The following CLYBL variants were observed in gnomAD, a reference collection of about 807,000 sequenced individuals.
The protein encoded by CLYBL is citramalyl-CoA lyase, mitochondrial.
Under a neutral mutation model 38.9 loss-of-function variants are expected in CLYBL, and 31 were observed. The observed-to-expected ratio is 0.80, with a 90% CI of 0.60 to 1.08. The LOEUF (loss-of-function observed/expected upper bound fraction) is 1.08. Among genes scored for constraint, CLYBL ranks in the 50% least tolerant of loss-of-function variants. The pLI is 0.00. For missense variants in CLYBL, 434 were observed against 411.6 expected (o/e 1.05, Z -0.47); for synonymous variants, 171 against 158.6 (o/e 1.08, Z -0.59).
At chr13:99,744,493 C>T (rs937666003) in intron 1 of CLYBL, among the ~76,000 whole-genome samples, 19 of 152,216 alleles carry the variant, frequency 1.2e-4, no homozygotes, top group East Asian at 1.2e-3. Context: ...TCCATCTGAG[C>T]GGCCAGCAGT....
At chr13:99,845,289 G>A (rs1452381797) in intron 2 of CLYBL, among the ~76,000 whole-genome samples, 1 of 152,204 alleles carries the variant, frequency 6.6e-6, no homozygotes, top group East Asian at 1.9e-4. Context: ...AAGAGTTTTT[G>A]CCACTGGGAC....
In CLYBL at chr13:99,801,885, G is replaced by A. The variant is rs553009388; in HGVS notation, c.249+28875G>A. Among the ~76,000 whole-genome samples, 8 of 152,046 alleles carry A rather than the reference G, an allele frequency of 5.3e-5. No homozygotes were observed. In the South Asian group the frequency reaches 8.3e-4, roughly 16 times the overall value. ...TACAAAATTAGCCAGGCATGGTGGCGCATGCCTGTAATCCCAGCTACTCGG... is the reference window on the plus strand; with the variant it reads ...TACAAAATTAGCCAGGCATGGTGGCACATGCCTGTAATCCCAGCTACTCGG... On this transcript the variant is annotated intron_variant, in intron 2 of 8. Transcript: ENST00000339105.
At chr13:99,832,841 A>G (rs973327581) in intron 2 of CLYBL, among the ~76,000 whole-genome samples, 3 of 149,546 alleles carry the variant, frequency 2.0e-5, no homozygotes, top group Non-Finnish European at 3.0e-5. Context: ...TGTTAAAGGG[A>G]AAAAAAAGAA....
At chr13:99,725,067 G>A (rs934908489) in intron 1 of CLYBL, among the ~76,000 whole-genome samples, 3 of 152,214 alleles carry the variant, frequency 2.0e-5, no homozygotes, top group Non-Finnish European at 4.4e-5. Context: ...GCGTCCTGCT[G>A]AGTATTAGCA....
At chr13:99,792,757 C>T (rs756142376) in intron 2 of CLYBL, among the ~76,000 whole-genome samples, 12 of 151,964 alleles carry the variant, frequency 7.9e-5, no homozygotes, top group Non-Finnish European at 1.5e-4. Flanking sequence ...TGCCTCTTCC[C>T]CAAACAGAAA....
chr13:99,764,538 T>C (rs2049229862), intron 1 of CLYBL, among the ~76,000 whole-genome samples: 1 of 152,204 alleles, frequency 6.6e-6, no homozygotes, highest in Non-Finnish European at 1.5e-5. Context: ...TAGTTGTTCA[T>C]AGTAGTCTCT....
At chr13:99,667,503 A>G (rs1448422150) in intron 1 of CLYBL, among the ~76,000 whole-genome samples, 1 of 148,310 alleles carries the variant, frequency 6.7e-6, no homozygotes, top group Non-Finnish European at 1.5e-5. Context: ...CTTGCATCTA[A>G]CTCTGTGGCA....
intron 1 of CLYBL, among the ~76,000 whole-genome samples, chr13:99,656,549 A>G (rs1417806325): frequency 6.6e-6 from 1 of 152,194 alleles, no homozygotes; most frequent in Non-Finnish European, 1.5e-5. Flanking sequence ...TGTTAGCTGC[A>G]TTGCCGCATT....
intron 1 of CLYBL, among the ~76,000 whole-genome samples, chr13:99,728,645 G>A (rs1351444578): frequency 1.3e-5 from 2 of 151,564 alleles, no homozygotes; most frequent in Non-Finnish European, 2.9e-5. Flanking sequence ...GTGCAATCAC[G>A]CCTCACTGCA....
At chr13:99,770,060 T>C (rs540064462) in intron 1 of CLYBL, among the ~76,000 whole-genome samples, 1 of 148,650 alleles carries the variant, frequency 6.7e-6, no homozygotes, top group South Asian at 2.1e-4. Context: ...TTTTAACTTT[T>C]CTTTCTTTTT....
At chr13:99,687,662 C>G (rs1480885789) in intron 1 of CLYBL, among the ~76,000 whole-genome samples, 3 of 152,128 alleles carry the variant, frequency 2.0e-5, no homozygotes, top group Admixed American at 2.0e-4. Flanking sequence ...CTTACATTGC[C>G]TTAACTGAGA....
intron 2 of CLYBL, among the ~76,000 whole-genome samples, chr13:99,792,779 C>A (rs2049944088): frequency 6.6e-6 from 1 of 152,114 alleles, no homozygotes; most frequent in African/African-American, 2.4e-5. Flanking sequence ...TCCTGCAAGG[C>A]CTCCTGTAGT....
intron 5 of CLYBL, 77 bp downstream of exon 5, chr13:99,864,988 C>T: frequency 1.0e-6 from 1 of 998,258 alleles, no homozygotes; most frequent in Non-Finnish European, 1.6e-6. Flanking sequence ...CTTTGCCCCT[C>T]AAGGATGGAC....
chr13:99,728,577 T>A (rs1025539524), intron 1 of CLYBL, among the ~76,000 whole-genome samples: 4 of 151,870 alleles, frequency 2.6e-5, no homozygotes, highest in African/African-American at 9.7e-5. Flanking sequence ...CTTCTTTTTT[T>A]TTTTTTCTTT....
intron 1 of CLYBL, among the ~76,000 whole-genome samples, chr13:99,699,940 C>T (rs867484602): frequency 6.6e-6 from 1 of 151,742 alleles, no homozygotes; most frequent in African/African-American, 2.4e-5. Context: ...TGCAGTGAGC[C>T]GAGATTGCAC....
intron 1 of CLYBL, among the ~76,000 whole-genome samples, chr13:99,760,246 T>C (rs4290347): frequency 0.046 from 6,989 of 152,304 alleles, 275 homozygotes; most frequent in African/African-American, 0.098. Flanking sequence ...TCAGTTTTGT[T>C]GATCTTTTAA....
intron 8 of CLYBL, 125 bp downstream of exon 8, chr13:99,891,562 T>C: frequency 1.7e-6 from 1 of 572,050 alleles, no homozygotes; most frequent in South Asian, 2.4e-5. Context: ...TTGTTGTTGT[T>C]GTCTCACTGG....
intron 7 of CLYBL, among the ~76,000 whole-genome samples, chr13:99,890,573 C>T (rs2052463576): frequency 6.6e-6 from 1 of 152,206 alleles, no homozygotes; most frequent in Admixed American, 6.5e-5. Flanking sequence ...TCAAGCAATT[C>T]TTCTGCCTCA....
chr13:99,634,062 C>T (rs1003959241), intron 1 of CLYBL, among the ~76,000 whole-genome samples: 1 of 152,122 alleles, frequency 6.6e-6, no homozygotes, highest in African/African-American at 2.4e-5. Flanking sequence ...TTAAAACACA[C>T]ACATGCACAT....
Sources: allele counts gnomAD v4.1 joint callset (sites outside exome capture counted in the v4.1 genomes callset), GRCh38; gene constraint gnomAD v4.1.1; transcripts MANE v1.5; gene names NCBI Gene and HGNC (gene_info 2026-07-23, HGNC 2026-07-21).